Variants in RAF1 observed in about 807,000 individuals in gnomAD.
RAF1 encodes the protein RAF proto-oncogene serine/threonine-protein kinase.
In RAF1, 27 loss-of-function variants were observed where a neutral mutation model predicts 81.1. The ratio of observed to expected loss-of-function variants is 0.33; its 90% confidence interval spans 0.25 to 0.46. RAF1 has a LOEUF of 0.46. RAF1 is among the 20% of genes least tolerant of loss of function. The pLI is 1.00. For missense variants in RAF1, 598 were observed against 826.0 expected (o/e 0.72, Z 3.38); for synonymous variants, 298 against 294.0 (o/e 1.01, Z -0.14).
chr3:12,610,271 A>C (rs1011317673), intron 3 of RAF1, among the ~76,000 whole-genome samples: 4 of 152,240 alleles, frequency 2.6e-5, no homozygotes, highest in Admixed American at 2.0e-4. Flanking sequence ...AGCCTAGTCA[A>C]GCCATTTTTC....
At chr3:12,595,290 T>A (rs540151923) in intron 11 of RAF1, among the ~76,000 whole-genome samples, 1 of 152,292 alleles carries the variant, frequency 6.6e-6, no homozygotes, top group East Asian at 1.9e-4. Flanking sequence ...CAGGCTGGTC[T>A]CAAATTCCTG....
intron 2 of RAF1, among the ~76,000 whole-genome samples, 180 bp downstream of exon 2, chr3:12,618,335 G>GA (rs1473705861): frequency 1.3e-5 from 2 of 150,854 alleles, no homozygotes; most frequent in East Asian, 1.9e-4. Flanking sequence ...CAAGAGGTAG[G>GA]AAAAAATAGG....
intron 8 of RAF1, among the ~76,000 whole-genome samples, 193 bp from the exon 8 acceptor site, chr3:12,600,608 G>A (rs184342160): frequency 2.0e-5 from 3 of 152,184 alleles, no homozygotes; most frequent in African/African-American, 7.2e-5. Context: ...GTATCTCCAA[G>A]GCTGATTTTT....
At chr3:12,608,716 A>T in intron 5 of RAF1, 50 bp downstream of exon 5, 1 of 1,577,964 alleles carries the variant, frequency 6.3e-7, no homozygotes, top group South Asian at 1.1e-5. Context: ...CCTTTAAAGT[A>T]TGTATACTCC....
chr3:12,649,091 G>GT (rs1299278778), intron 1 of RAF1, among the ~76,000 whole-genome samples: 1 of 152,036 alleles, frequency 6.6e-6, no homozygotes, highest in African/African-American at 2.4e-5. Flanking sequence ...TCCAGCCTGG[G>GT]TAACAAGAGC....
intron 1 of RAF1, 110 bp from the exon 2 acceptor site, chr3:12,618,857 C>A (rs886168288): frequency 1.1e-5 from 9 of 816,344 alleles, no homozygotes; most frequent in Non-Finnish European, 1.8e-5. Flanking sequence ...TTTAATGATA[C>A]CTCCTGCATT....
chr3:12,592,837 G>A (rs1042633789), intron 11 of RAF1, among the ~76,000 whole-genome samples: 3 of 145,416 alleles, frequency 2.1e-5, no homozygotes, highest in Non-Finnish European at 3.0e-5. Context: ...CCAGGTTCAC[G>A]CCATTCTCCT....
chr3:12,600,521 A>C (rs1339644607), intron 8 of RAF1, 106 bp from the exon 8 acceptor site: 2 of 1,227,314 alleles, frequency 1.6e-6, no homozygotes, highest in Non-Finnish European at 2.4e-6. Flanking sequence ...GATTATAAAA[A>C]CCTCTAAAAA....
rs186248852 is a variant in RAF1 at position 12,594,362 on chromosome 3, G to A, written c.1169-2570C>T. 3.4e-4 allele frequency among the ~76,000 whole-genome samples: 52 copies of A among 152,346 alleles called. 1 individual carries two copies. In the East Asian group the frequency reaches 8.3e-3, roughly 24 times the overall value. On this transcript the variant is annotated intron_variant, in intron 11 of 17. Transcript: ENST00000442415. ...AGGACAGGGCTAGGGGTTCAGGCAT[G>A]TGGCTTGGGAGATGCTGGATGATCG...
At chr3:12,609,195 C>T in intron 4 of RAF1, 38 bp downstream of exon 4, 1 of 1,463,436 alleles carries the variant, frequency 6.8e-7, no homozygotes, top group East Asian at 2.3e-5. Context: ...CTGGCAAAGC[C>T]CTCAACATGC....
intron 1 of RAF1, among the ~76,000 whole-genome samples, chr3:12,630,156 T>G (rs1167906195): frequency 6.6e-6 from 1 of 152,146 alleles, no homozygotes; most frequent in African/African-American, 2.4e-5. Context: ...TACTCACAAT[T>G]TTACTAATCC....
chr3:12,644,106 A>C (rs1354356037), intron 1 of RAF1, among the ~76,000 whole-genome samples: 1 of 152,212 alleles, frequency 6.6e-6, no homozygotes, highest in Non-Finnish European at 1.5e-5. Context: ...AGAAAGCACA[A>C]CTATGTTCAA....
chr3:12,614,551 C>T (rs1000846312), intron 2 of RAF1, among the ~76,000 whole-genome samples: 3 of 152,062 alleles, frequency 2.0e-5, no homozygotes, highest in African/African-American at 7.2e-5. Context: ...CCTGCCTCAG[C>T]CTCGGCTGGG....
At chr3:12,608,361 G>A (rs2059106147) in intron 5 of RAF1, 1 of 167,926 alleles carries the variant, frequency 6.0e-6, no homozygotes. Flanking sequence ...CATCAACGGT[G>A]CTTTCTGCTC....
At chr3:12,638,196 C>T (rs945925499) in intron 1 of RAF1, among the ~76,000 whole-genome samples, 4 of 152,200 alleles carry the variant, frequency 2.6e-5, no homozygotes, top group African/African-American at 7.2e-5. Context: ...TAACCCACTG[C>T]CTTTAAGTAT....
At chr3:12,624,027 G>C (rs1419874164) in intron 1 of RAF1, among the ~76,000 whole-genome samples, 1 of 151,606 alleles carries the variant, frequency 6.6e-6, no homozygotes, top group Non-Finnish European at 1.5e-5. Context: ...GCTAATTTTT[G>C]TATTTTTAGT....
chr3:12,662,596 T>C (rs2060914848), intron 1 of RAF1, among the ~76,000 whole-genome samples: 1 of 151,818 alleles, frequency 6.6e-6, no homozygotes, highest in African/African-American at 2.4e-5. Flanking sequence ...TACTCTCATC[T>C]CTCACCATTT....
chr3:12,643,507 G>A (rs1454518579), intron 1 of RAF1, among the ~76,000 whole-genome samples: 2 of 152,128 alleles, frequency 1.3e-5, no homozygotes, highest in African/African-American at 4.8e-5. Flanking sequence ...TTGAGAGGCT[G>A]GGGTGGGTGG....
At chr3:12,614,730 T>C (rs946003543) in intron 2 of RAF1, among the ~76,000 whole-genome samples, 2 of 152,074 alleles carry the variant, frequency 1.3e-5, no homozygotes, top group Non-Finnish European at 2.9e-5. Flanking sequence ...CCAGCCTGTA[T>C]ATATTTTTTA....
Sources: gnomAD v4.1 joint callset for allele counts (sites outside exome capture counted in the v4.1 genomes callset) on GRCh38, gnomAD v4.1.1 for gene constraint, MANE v1.5 for transcripts, NCBI Gene and HGNC (gene_info 2026-07-23, HGNC 2026-07-21) for gene names.